The following TIPIN variants were observed in gnomAD, a reference collection of about 807,000 sequenced individuals.
TIPIN encodes the protein TIMELESS-interacting protein.
Under a neutral mutation model 35.6 loss-of-function variants are expected in TIPIN, and 29 were observed. The ratio of observed to expected loss-of-function variants is 0.82; its 90% CI spans 0.61 to 1.11. The LOEUF is 1.11. Ranked by LOEUF, TIPIN falls within the 50% of genes most tolerant of loss-of-function variation. The pLI is 0.00. For missense variants in TIPIN, 296 were observed against 345.4 expected (o/e 0.86, Z 1.13); for synonymous variants, 102 against 121.5 (o/e 0.84, Z 1.06).
rs137939552 is a variant in TIPIN, at chr15:66,342,450, G to A, written c.476-1094C>T. 3.0e-3 allele frequency among the ~76,000 whole-genome samples: 451 copies of A among 152,080 alleles called. 3 individuals carry two copies. The highest frequency in any genetic ancestry group is 0.01 in the African/African-American group (417 of 41,504). ...TCGATCTTGGCTCATTGCAACCTCC[G>A]CCTCCCAGATTCATGTGATTCTCCT... On this transcript the variant is annotated intron_variant, in intron 6 of 7. Transcript: ENST00000261881.
intron 1 of TIPIN, chr15:66,366,871 G>A: frequency 1.0e-6 from 1 of 985,074 alleles, no homozygotes; most frequent in Non-Finnish European, 1.2e-6. Flanking sequence ...AGAAATCCAG[G>A]GCAACAGTAA....
intron 1 of TIPIN, among the ~76,000 whole-genome samples, chr15:66,375,347 T>C (rs1311544357): frequency 6.6e-6 from 1 of 151,560 alleles, no homozygotes; most frequent in African/African-American, 2.4e-5. Context: ...TTTTGTTTAT[T>C]TATTTATTTA....
chr15:66,370,560 A>G (rs777298776), intron 1 of TIPIN, among the ~76,000 whole-genome samples: 1 of 152,156 alleles, frequency 6.6e-6, no homozygotes, highest in Non-Finnish European at 1.5e-5. Context: ...CTCTTTACTC[A>G]GTTACTCAAT....
At chr15:66,348,332 C>T (rs2093141575) in intron 6 of TIPIN, 1 of 151,566 alleles carries the variant, frequency 6.6e-6, no homozygotes, top group East Asian at 1.9e-4. Context: ...ACTCCTTGTT[C>T]TACTCTTTCC....
chr15:66,380,403 C>T (rs1431482859), intron 1 of TIPIN, among the ~76,000 whole-genome samples: 3 of 152,160 alleles, frequency 2.0e-5, no homozygotes, highest in Non-Finnish European at 4.4e-5. Context: ...TTCCCAGATA[C>T]CTATTATGTT....
intron 1 of TIPIN, among the ~76,000 whole-genome samples, chr15:66,374,249 C>T (rs1251352547): frequency 6.6e-6 from 1 of 151,670 alleles, no homozygotes; most frequent in Non-Finnish European, 1.5e-5. Flanking sequence ...CAGCTTAAAT[C>T]ATTTTTAAGT....
intron 3 of TIPIN, 41 bp from the exon 4 acceptor site, chr15:66,351,641 CTTT>C (rs56040501): frequency 1.8e-4 from 197 of 1,090,534 alleles, no homozygotes; most frequent in East Asian, 2.9e-4. Flanking sequence ...GTTTTATTTT[CTTT>C]TTTTTTTTTT....
intron 4 of TIPIN, 150 bp downstream of exon 4, chr15:66,351,375 C>CTAATT: frequency 1.5e-6 from 1 of 674,228 alleles, no homozygotes. Flanking sequence ...TCAAACAGTT[C>CTAATT]CCTTTCTAGT....
Position 66,336,390 on chromosome 15 carries a change from C to T in TIPIN, c.*568G>A, listed in dbSNP as rs2140432689. ...CCAACATGGTGAAACCTCATCTCTA[C>T]TAAAAGTACAAAAATTAGCCAAGCG... On this transcript the variant is annotated 3_prime_UTR_variant, in exon 8 of 8. Coordinates refer to ENST00000261881, the MANE Select transcript of TIPIN (RefSeq NM_017858.3). The T allele has an allele frequency of 6.5e-6, 1 of 153,382 alleles. No individual in the cohort carries two copies. The highest frequency in any genetic ancestry group is 2.4e-5 in the African/African-American group (1 of 41,512). The allele number at this position is 153,382 out of a possible 1,614,324, so 9.5% of individuals were successfully genotyped here.
intron 1 of TIPIN, chr15:66,383,030 C>T (rs2093323611): frequency 1.0e-6 from 1 of 984,122 alleles, no homozygotes; most frequent in Non-Finnish European, 1.2e-6. Flanking sequence ...ATCTGGGCTT[C>T]TTGGATCATG....
chr15:66,347,665 C>T (rs2093136205), intron 6 of TIPIN, among the ~76,000 whole-genome samples: 1 of 152,160 alleles, frequency 6.6e-6, no homozygotes, highest in African/African-American at 2.4e-5. Flanking sequence ...TCACTGCAAC[C>T]TCCACCTCCT....
At chr15:66,354,239 T>C (rs2093188913) in intron 1 of TIPIN, among the ~76,000 whole-genome samples, 2 of 152,138 alleles carry the variant, frequency 1.3e-5, no homozygotes, top group African/African-American at 4.8e-5. Flanking sequence ...CATTTTACAC[T>C]TCCTAAACGC....
At chr15:66,356,755 G>A (rs546011634), upstream of TIPIN, 2 of 984,838 alleles carry the variant, frequency 2.0e-6, no homozygotes, top group South Asian at 4.7e-5. Flanking sequence ...CGCCAAATCC[G>A]TGCGGGGGGC....
chr15:66,351,463 T>C lies in TIPIN; in HGVS notation c.288+62A>G, dbSNP rs2093167249. ...CATTCTGAGATTTCCAAGATCATAATGGGTCCACATTTTTATTGCTATTTT... is the reference window on the plus strand; with the variant it reads ...CATTCTGAGATTTCCAAGATCATAACGGGTCCACATTTTTATTGCTATTTT... On this transcript the variant is annotated intron_variant, in intron 4 of 7. Transcript: ENST00000261881. The C allele has an allele frequency of 4.9e-6, 6 of 1,217,634 alleles. 1 individual carries two copies. In the Middle Eastern group the frequency reaches 5.6e-4, roughly 114 times the overall value. The allele number at this position is 1,217,634 out of a possible 1,614,324, so 75.4% of individuals were successfully genotyped here.
intron 1 of TIPIN, among the ~76,000 whole-genome samples, chr15:66,365,414 A>T (rs1392557119): frequency 6.6e-6 from 1 of 152,242 alleles, no homozygotes; most frequent in African/African-American, 2.4e-5. Context: ...AAAGGGGAGG[A>T]ACCCTCCATT....
chr15:66,364,922 C>T (rs534039770), intron 1 of TIPIN, among the ~76,000 whole-genome samples: 3 of 143,878 alleles, frequency 2.1e-5, no homozygotes, highest in Non-Finnish European at 3.0e-5. Context: ...GCTGAGATCA[C>T]GTCACTGCAT....
chr15:66,340,574 T>TA (rs1490166001), intron 7 of TIPIN, among the ~76,000 whole-genome samples: 2 of 152,102 alleles, frequency 1.3e-5, no homozygotes, highest in Non-Finnish European at 2.9e-5. Flanking sequence ...ATTAAGAATT[T>TA]AAAATCAATT....
chr15:66,361,372 C>G (rs1452780435), upstream of TIPIN, among the ~76,000 whole-genome samples: 1 of 151,196 alleles, frequency 6.6e-6, no homozygotes, highest in Non-Finnish European at 1.5e-5. Flanking sequence ...TCTCCTGCCT[C>G]AGTCTCCTGA....
upstream of TIPIN, among the ~76,000 whole-genome samples, chr15:66,358,835 G>C (rs997253937): frequency 2.0e-5 from 3 of 152,080 alleles, no homozygotes; most frequent in African/African-American, 7.2e-5. Flanking sequence ...CCTGAGGTCA[G>C]GAATTCGAGA....
Sources: gnomAD v4.1 joint callset for allele counts (sites outside exome capture counted in the v4.1 genomes callset) on GRCh38, gnomAD v4.1.1 for gene constraint, MANE v1.5 for transcripts, NCBI Gene and HGNC (gene_info 2026-07-23, HGNC 2026-07-21) for gene names.